MED15: variants seen among roughly 807,000 people sequenced by gnomAD.
MED15 encodes mediator of RNA polymerase II transcription subunit 15.
Under a neutral mutation model 118.7 loss-of-function variants are expected in MED15, and 41 were observed. That is an observed-to-expected ratio of 0.35 (90% confidence interval 0.27 to 0.45). The LOEUF is 0.45. MED15 is among the 20% of genes least tolerant of loss of function. The pLI is 1.00. For synonymous variants in MED15, 436 were observed against 413.9 expected (o/e 1.05, Z -0.65); for missense variants, 740 against 1,025.5 (o/e 0.72, Z 3.80).
intron 5 of MED15, among the ~76,000 whole-genome samples, chr22:20,559,411 G>A (rs2056142236): frequency 6.6e-6 from 1 of 152,142 alleles, no homozygotes; most frequent in Non-Finnish European, 1.5e-5. Flanking sequence ...AAATGTGAAA[G>A]CAAGGGTAAG....
At chr22:20,537,301 G>C in intron 2 of MED15, 97 bp downstream of exon 2, 2 of 1,048,830 alleles carry the variant, frequency 1.9e-6, no homozygotes, top group Admixed American at 2.4e-5. Flanking sequence ...CTAGGGTGTA[G>C]GGGTGGGGTG....
At position 20,539,754 on chromosome 22, in the gene MED15, ATT is replaced by A. The variant is rs567568863; in HGVS notation, c.156+2553_156+2554del. ...TCCTCTCCAATACTTGTTATTGTCT[ATT>A]TTAATTGTAGCCATTATAATGGGTG... On this transcript the variant is annotated intron_variant, in intron 2 of 17. Coordinates refer to ENST00000263205, the MANE Select transcript of MED15 (RefSeq NM_001003891.3). Among the ~76,000 whole-genome samples the A allele has an allele frequency of 3.9e-3, 589 of 152,240 alleles. 5 individuals carry two copies. The highest frequency in any genetic ancestry group is 0.013 in the African/African-American group (550 of 41,542).
intron 2 of MED15, among the ~76,000 whole-genome samples, chr22:20,544,527 C>A (rs1167959699): frequency 6.6e-6 from 1 of 152,064 alleles, no homozygotes; most frequent in African/African-American, 2.4e-5. Context: ...ACTAGCCAGG[C>A]GTGGTGGCGG....
At chr22:20,511,941 A>G (rs1469499228) in intron 1 of MED15, among the ~76,000 whole-genome samples, 1 of 48,268 alleles carries the variant, frequency 2.1e-5, no homozygotes, top group Admixed American at 3.3e-4. Flanking sequence ...TCCTACCCCC[A>G]CCGTGTTCTG....
At chr22:20,510,169 G>A (rs1601422976) in intron 1 of MED15, among the ~76,000 whole-genome samples, 1 of 152,038 alleles carries the variant, frequency 6.6e-6, no homozygotes, top group African/African-American at 2.4e-5. Context: ...GGCGGATCAC[G>A]AGGTCAAGAG....
chr22:20,585,888 C>T, intron 17 of MED15, 62 bp downstream of exon 17: 2 of 1,492,144 alleles, frequency 1.3e-6, no homozygotes, highest in African/African-American at 2.8e-5. Flanking sequence ...TGTGGAAAAC[C>T]AGGCTTCCAC....
chr22:20,529,872 G>A (rs771006130), intron 1 of MED15, among the ~76,000 whole-genome samples: 23 of 152,112 alleles, frequency 1.5e-4, no homozygotes, highest in Non-Finnish European at 2.2e-4. Flanking sequence ...GATTACAGGC[G>A]TGAGCCACTG....
At chr22:20,561,336 T>A (rs2146564046) in intron 5 of MED15, among the ~76,000 whole-genome samples, 1 of 152,136 alleles carries the variant, frequency 6.6e-6, no homozygotes, top group South Asian at 2.1e-4. Context: ...CTGGCCAACA[T>A]GGTGAAACGC....
chr22:20,542,551 A>G (rs925338789), intron 2 of MED15, among the ~76,000 whole-genome samples: 2 of 152,214 alleles, frequency 1.3e-5, no homozygotes, highest in African/African-American at 4.8e-5. Flanking sequence ...GGCTGCCATA[A>G]CAAGTTACCA....
At chr22:20,563,730 ATC>A (rs781700490) in intron 5 of MED15, among the ~76,000 whole-genome samples, 2 of 152,218 alleles carry the variant, frequency 1.3e-5, no homozygotes, top group Non-Finnish European at 2.9e-5. Flanking sequence ...TATACAAAGG[ATC>A]TCTCTATATT....
intron 9 of MED15, among the ~76,000 whole-genome samples, chr22:20,578,494 G>A (rs1480980233): frequency 6.6e-6 from 1 of 152,214 alleles, no homozygotes; most frequent in African/African-American, 2.4e-5. Context: ...GGGACGTGAG[G>A]CATGCTGGGC....
At chr22:20,512,849 C>T (rs1054571803) in intron 1 of MED15, among the ~76,000 whole-genome samples, 3 of 151,152 alleles carry the variant, frequency 2.0e-5, no homozygotes, top group African/African-American at 7.3e-5. Context: ...TCAAGCGATT[C>T]TCCTGCCTCA....
At chr22:20,534,406 T>A (rs2054978405) in intron 1 of MED15, among the ~76,000 whole-genome samples, 1 of 152,060 alleles carries the variant, frequency 6.6e-6, no homozygotes. Flanking sequence ...ATGCCTGTAG[T>A]CCCAGCTATT....
chr22:20,570,517 A>G (rs966128978), intron 8 of MED15, among the ~76,000 whole-genome samples: 3 of 148,698 alleles, frequency 2.0e-5, no homozygotes, highest in African/African-American at 7.5e-5. Context: ...TCAGCCTCCC[A>G]AGTAGCTGGG....
At chr22:20,558,091 C>T (rs990615466) in intron 5 of MED15, among the ~76,000 whole-genome samples, 2 of 152,032 alleles carry the variant, frequency 1.3e-5, no homozygotes, top group East Asian at 1.9e-4. Context: ...GGCAACAGAG[C>T]GAGACTCTGT....
At chr22:20,571,870 A>G (rs2056672262) in intron 8 of MED15, among the ~76,000 whole-genome samples, 1 of 152,256 alleles carries the variant, frequency 6.6e-6, no homozygotes, top group South Asian at 2.1e-4. Context: ...GAACCATTCC[A>G]TGAGAGAGAA....
intron 1 of MED15, among the ~76,000 whole-genome samples, chr22:20,521,466 G>T (rs903670549): frequency 2.0e-5 from 3 of 150,142 alleles, no homozygotes; most frequent in African/African-American, 7.4e-5. Flanking sequence ...GCGTGATCTT[G>T]GCTCACTGCA....
At chr22:20,562,410 A>C (rs1232477323) in intron 5 of MED15, among the ~76,000 whole-genome samples, 1 of 98,028 alleles carries the variant, frequency 1.0e-5, no homozygotes, top group Non-Finnish European at 2.4e-5. Context: ...TTTGAGACAG[A>C]GTCTCACTCT....
At chr22:20,524,575 C>G (rs1271261593) in intron 1 of MED15, among the ~76,000 whole-genome samples, 2 of 152,180 alleles carry the variant, frequency 1.3e-5, no homozygotes, top group African/African-American at 4.8e-5. Context: ...CATACTCTGA[C>G]TGTGGGGCCA....
Sources: gnomAD v4.1 joint callset for allele counts (sites outside exome capture counted in the v4.1 genomes callset) on GRCh38, gnomAD v4.1.1 for gene constraint, MANE v1.5 for transcripts, NCBI Gene and HGNC (gene_info 2026-07-23, HGNC 2026-07-21) for gene names.